The following POFUT1 variants were observed in gnomAD, a reference collection of about 807,000 sequenced individuals.
POFUT1 encodes the protein protein O-fucosyltransferase 1.
In POFUT1, 16 loss-of-function variants were observed where a neutral mutation model predicts 42.4. That is an observed-to-expected ratio of 0.38 (90% CI 0.26 to 0.57). The LOEUF (loss-of-function observed/expected upper bound fraction) is 0.57, where lower values mean the gene tolerates loss of function less well. Among genes scored for constraint, POFUT1 ranks in the 20% least tolerant of loss-of-function variants. The pLI is 0.71. For missense variants in POFUT1, 470 were observed against 504.6 expected, an observed-to-expected ratio of 0.93 and a Z score of 0.66; for synonymous variants, 206 against 205.4, an observed-to-expected ratio of 1.00 and a Z score of -0.03.
chr20:32,224,897 C>T (rs747193601), intron 4 of POFUT1, among the ~76,000 whole-genome samples: 1 of 152,132 alleles, frequency 6.6e-6, no homozygotes, highest in Non-Finnish European at 1.5e-5. Context: ...ATCAACATGG[C>T]CAAGTCTCTG....
chr20:32,227,080 C>G (rs2047418188), intron 4 of POFUT1, among the ~76,000 whole-genome samples: 1 of 152,130 alleles, frequency 6.6e-6, no homozygotes. Flanking sequence ...GGCACTTCCC[C>G]CCTCCAGCTG....
intron 4 of POFUT1, chr20:32,217,258 G>A (rs1027521396): frequency 7.2e-7 from 1 of 1,382,868 alleles, no homozygotes. Context: ...ATGGTGATGT[G>A]TGAAAATGAG....
chr20:32,228,354 A>G lies in POFUT1; in HGVS notation c.634A>G (p.Met212Val), dbSNP rs779474816. 3 of 1,614,026 alleles carry G rather than the reference A, an allele frequency of 1.9e-6. No individual in the cohort carries two copies. Among genetic ancestry groups the G allele is most frequent in the African/African-American group, 2.7e-5 (2 of 74,942 alleles). Residue 212 changes from methionine to valine, a missense_variant, in exon 5 of 7, where the codon ATG (methionine) becomes GTG (valine). Transcript: ENST00000375749. The part of the protein sequence containing the change: ...LEEHRPLQKY[M>V]VWSDEMVKTG... ...GGAACACAGGCCACTACAGAAGTAC[A>G]TGGTATGGTCAGACGAAATGGTGAA...
intron 4 of POFUT1, among the ~76,000 whole-genome samples, chr20:32,225,305 A>C (rs1370003170): frequency 6.7e-6 from 1 of 150,018 alleles, no homozygotes; most frequent in Non-Finnish European, 1.5e-5. Context: ...CTCCTGCCTC[A>C]GCCTCCCAAG....
At chr20:32,227,822 A>C (rs1398338338) in intron 4 of POFUT1, among the ~76,000 whole-genome samples, 1 of 152,222 alleles carries the variant, frequency 6.6e-6, no homozygotes, top group Non-Finnish European at 1.5e-5. Flanking sequence ...ATTCAAATCC[A>C]GTATACATAG....
chr20:32,215,228 G>C (rs775516740), intron 2 of POFUT1, 41 bp from the exon 3 acceptor site: 8 of 1,533,916 alleles, frequency 5.2e-6, no homozygotes, highest in Non-Finnish European at 3.6e-6. Flanking sequence ...AGTAGCCACG[G>C]GGGCACTGAG....
Position 32,237,752 on chromosome 20 carries a change from AAGC to A in POFUT1, c.*3094_*3096del, listed in dbSNP as rs561988370. On this transcript the variant is annotated 3_prime_UTR_variant, in exon 7 of 7. Coordinates refer to ENST00000375749, the MANE Select transcript of POFUT1 (RefSeq NM_015352.2). ...AGGAGGTTGGAGAGAGAAAGGGTGAAAGCAGAGAGACCAGTGCAGGGCTGTTAA... is the reference window on the plus strand; with the variant it reads ...AGGAGGTTGGAGAGAGAAAGGGTGAAAGAGAGACCAGTGCAGGGCTGTTAA... The A allele has an allele frequency of 5.2e-5, 28 of 534,116 alleles. No individual in the cohort carries two copies. Among genetic ancestry groups the A allele is most frequent in the South Asian group, 3.8e-4 (27 of 71,498 alleles). 33.1% of individuals were successfully genotyped at this position (534,116 alleles called of 1,614,324 possible).
intron 5 of POFUT1, 94 bp downstream of exon 5, chr20:32,228,549 C>A: frequency 2.9e-6 from 3 of 1,037,910 alleles, no homozygotes; most frequent in South Asian, 3.3e-5. Flanking sequence ...CCAGCCAGAG[C>A]AGAGATCTCT....
intron 6 of POFUT1, among the ~76,000 whole-genome samples, chr20:32,233,412 G>A (rs1600395626): frequency 6.6e-6 from 1 of 152,212 alleles, no homozygotes; most frequent in African/African-American, 2.4e-5. Context: ...GGGAGCCTGG[G>A]TAGGGGCTGG....
At position 32,237,207 on chromosome 20, in the gene POFUT1, C is replaced by G. The variant is rs529403523; in HGVS notation, c.*2546C>G. ...GTCTTGCATTCAGCAGGTGTTTGTT[C>G]ATCACCTACTATGTGTCAGGCTCTA... is the stretch of plus-strand genomic sequence containing the variant. On this transcript the variant is annotated 3_prime_UTR_variant, in exon 7 of 7. Transcript: ENST00000375749. 5 of 152,882 alleles carry G rather than the reference C, an allele frequency of 3.3e-5. No individual in the cohort carries two copies. The highest frequency in any genetic ancestry group is 1.2e-4 in the African/African-American group (5 of 41,438). The allele number at this position is 152,882 out of a possible 1,614,324, so 9.5% of individuals were successfully genotyped here.
intron 1 of POFUT1, among the ~76,000 whole-genome samples, chr20:32,209,159 G>C (rs755712689): frequency 3.3e-5 from 5 of 152,154 alleles, no homozygotes; most frequent in African/African-American, 1.2e-4. Flanking sequence ...CACATGCTCA[G>C]GTCTTCCAGT....
intron 3 of POFUT1, 49 bp from the exon 4 acceptor site, chr20:32,216,560 A>G: frequency 8.4e-7 from 1 of 1,197,134 alleles, no homozygotes; most frequent in Non-Finnish European, 1.2e-6. Flanking sequence ...CCATCCCCAA[A>G]TGGCTTTCCC....
rs2047477487 is a variant in POFUT1 at position 32,237,484 on chromosome 20, A to C, written c.*2823A>C. The C allele has an allele frequency of 4.9e-6, 1 of 203,908 alleles. No individual in the cohort carries two copies. Among genetic ancestry groups the C allele is most frequent in the African/African-American group, 2.3e-5 (1 of 44,318 alleles). 12.6% of individuals were successfully genotyped at this position (203,908 alleles called of 1,614,324 possible). A position where few individuals can be genotyped will look rare whatever the true frequency, so the allele number is the denominator to read the frequency against. On this transcript the variant is annotated 3_prime_UTR_variant, in exon 7 of 7. Coordinates refer to ENST00000375749, the MANE Select transcript of POFUT1 (RefSeq NM_015352.2). ...TCCTGGCAGAGAAAACAGCACGTGC[A>C]AAGGCCCCGAGACTGGAGTGTGTTC... is the stretch of plus-strand genomic sequence containing the variant.
intron 2 of POFUT1, among the ~76,000 whole-genome samples, chr20:32,212,342 G>T (rs775590454): frequency 6.6e-6 from 1 of 151,366 alleles, no homozygotes. Context: ...CATGATCATC[G>T]CTCACTGCAG....
chr20:32,228,157 C>T (rs1209777124), intron 4 of POFUT1, 106 bp from the exon 5 acceptor site: 1 of 844,282 alleles, frequency 1.2e-6, no homozygotes, highest in Non-Finnish European at 1.8e-6. Context: ...AGGGGCCCCT[C>T]CGCAGGGTCT....
Position 32,238,482 on chromosome 20 carries a change from A to T in POFUT1, c.*3821A>T, listed in dbSNP as rs2047484650. The T allele has an allele frequency of 6.6e-6, 1 of 152,092 alleles. No homozygotes were observed. Among genetic ancestry groups the T allele is most frequent in the African/African-American group, 2.4e-5 (1 of 41,412 alleles). The allele number at this position is 152,092 out of a possible 1,614,324, so 9.4% of individuals were successfully genotyped here. A position where few individuals can be genotyped will look rare whatever the true frequency, so the allele number is the denominator to read the frequency against. On this transcript the variant is annotated 3_prime_UTR_variant, in exon 7 of 7. Transcript: ENST00000375749. ...TTTTTATTTGTAAGAGTTTTTCTTT[A>T]TTTAAAATGTTCATTAATAAAGTTG...
At chr20:32,223,073 C>T (rs2047398626) in intron 4 of POFUT1, 3 of 985,262 alleles carry the variant, frequency 3.0e-6, no homozygotes, top group African/African-American at 3.5e-5. Context: ...ACATACTGGA[C>T]ACATAAATGG....
rs1473647354 is a variant in POFUT1 at position 32,235,364 on chromosome 20, A to G, written c.*703A>G. On this transcript the variant is annotated 3_prime_UTR_variant, in exon 7 of 7. Transcript: ENST00000375749. ...CCACTCACGCAGCATGTTCCTGGCAAGGAGCACATACCATCAAGCCACACT... is the reference window on the plus strand; with the variant it reads ...CCACTCACGCAGCATGTTCCTGGCAGGGAGCACATACCATCAAGCCACACT... 1 of 152,630 alleles carries G rather than the reference A, an allele frequency of 6.6e-6. No homozygotes were observed. The highest frequency in any genetic ancestry group is 1.5e-5 in the Non-Finnish European group (1 of 68,092). 9.5% of individuals were successfully genotyped at this position (152,630 alleles called of 1,614,324 possible). A position where few individuals can be genotyped will look rare whatever the true frequency, so the allele number is the denominator to read the frequency against.
At chr20:32,216,763 A>G (rs1038997536) in intron 4 of POFUT1, 42 bp downstream of exon 4, 5 of 1,434,528 alleles carry the variant, frequency 3.5e-6, no homozygotes, top group East Asian at 4.5e-5. Context: ...GGGGAGGCGC[A>G]TGGAGCTCAT....
Sources: allele counts gnomAD v4.1 joint callset (sites outside exome capture counted in the v4.1 genomes callset), GRCh38; gene constraint gnomAD v4.1.1; transcripts MANE v1.5; gene names NCBI Gene and HGNC (gene_info 2026-07-23, HGNC 2026-07-21).